The following KAZN variants were observed in gnomAD, a reference collection of about 807,000 sequenced individuals.
KAZN encodes the protein kazrin.
KAZN carries 40 observed loss-of-function variants against 87.4 expected under a neutral mutation model. The observed-to-expected ratio is 0.46, with a 90% CI of 0.36 to 0.60. The LOEUF (loss-of-function observed/expected upper bound fraction) is 0.60, where lower values mean the gene tolerates loss of function less well. Among genes scored for constraint, KAZN ranks in the 20% least tolerant of loss-of-function variants. The pLI, the probability that KAZN is intolerant of heterozygous loss-of-function variation, is 0.00. For missense variants in KAZN, 898 were observed against 1,073.9 expected (o/e 0.84, Z 2.29); for synonymous variants, 466 against 458.3 (o/e 1.02, Z -0.22).
Position 14,082,080 on chromosome 1 carries a change from T to C in KAZN, c.92-98355T>C, listed in dbSNP as rs60128168. Among the ~76,000 whole-genome samples the C allele has an allele frequency of 4.4e-3, 666 of 152,300 alleles. 4 individuals are homozygous for C. The highest frequency in any genetic ancestry group is 0.015 in the African/African-American group (636 of 41,566). On this transcript the variant is annotated intron_variant, in intron 1 of 16. Transcript: ENST00000636203. Reference sequence around the variant, plus strand: ...ATGAGCCACTATGCCCAGCCCACTCTGTTCCTTCTAGCATCTCTCTGATGG... The same window carrying C: ...ATGAGCCACTATGCCCAGCCCACTCCGTTCCTTCTAGCATCTCTCTGATGG...
chr1:14,250,935 A>T (rs1293934300), intron 2 of KAZN, among the ~76,000 whole-genome samples: 1 of 152,192 alleles, frequency 6.6e-6, no homozygotes, highest in East Asian at 1.9e-4. Flanking sequence ...AGGAATCTCC[A>T]AACTATAAGT....
At chr1:14,964,275 C>T (rs1427845338) in intron 2 of KAZN, among the ~76,000 whole-genome samples, 2 of 152,246 alleles carry the variant, frequency 1.3e-5, no homozygotes, top group East Asian at 3.9e-4. Flanking sequence ...ATAATTGGGA[C>T]TAATAAACAG....
intron 8 of KAZN, among the ~76,000 whole-genome samples, chr1:15,092,847 C>A (rs939893995): frequency 2.6e-5 from 4 of 151,808 alleles, no homozygotes; most frequent in Non-Finnish European, 5.9e-5. Flanking sequence ...GTAACCTGAA[C>A]TTTTCATATT....
intron 1 of KAZN, among the ~76,000 whole-genome samples, chr1:13,969,414 TG>T (rs910283099): frequency 1.4e-4 from 22 of 152,152 alleles, no homozygotes; most frequent in African/African-American, 4.8e-4. Flanking sequence ...CAAATGAAGA[TG>T]GAGGCAGACT....
intron 2 of KAZN, among the ~76,000 whole-genome samples, chr1:14,454,089 G>C (rs1667431782): frequency 6.6e-6 from 1 of 152,178 alleles, no homozygotes; most frequent in African/African-American, 2.4e-5. Flanking sequence ...ACCAATATAG[G>C]AAATCCTCCA....
In KAZN at chr1:14,858,203, C is replaced by CTTTTTTTTTTTTTTTTTTTTTTTTTTT. The variant is rs1388659468; in HGVS notation, c.227-102476_227-102475insTTTTTTTTTTTTTTTTTTTTTTTTTTT. On this transcript the variant is annotated intron_variant, in intron 1 of 14. Transcript: ENST00000376030. ...ACATTTCTTTCTTTTTTTCTTTTTT[C>CTTTTTTTTTTTTTTTTTTTTTTTTTTT]TTTTTCTTTTCTTTTTTTTTTTTTT... Among the ~76,000 whole-genome samples, 18 of 95,100 alleles carry CTTTTTTTTTTTTTTTTTTTTTTTTTTT rather than the reference C, an allele frequency of 1.9e-4. 1 individual carries two copies. The highest frequency in any genetic ancestry group is 8.5e-4 in the African/African-American group (16 of 18,896). The allele number at this position is 95,100 out of a possible 152,430, so 62.4% of individuals were successfully genotyped here. A position where few individuals can be genotyped will look rare whatever the true frequency, so the allele number is the denominator to read the frequency against.
chr1:14,943,071 T>G (rs1572886112), intron 1 of KAZN, among the ~76,000 whole-genome samples: 2 of 86,732 alleles, frequency 2.3e-5, no homozygotes, highest in Non-Finnish European at 3.9e-5. Flanking sequence ...GAGCCTTGGG[T>G]TTTTTTTTTT....
At chr1:14,205,856 A>G (rs142030926) in intron 2 of KAZN, among the ~76,000 whole-genome samples, 1,645 of 136,372 alleles carry the variant, frequency 0.012, 30 homozygotes, top group African/African-American at 0.042. Flanking sequence ...ACTGCACTCC[A>G]GCCAGGCGAC....
chr1:14,312,506 A>T (rs1191067843), intron 2 of KAZN, among the ~76,000 whole-genome samples: 1 of 152,114 alleles, frequency 6.6e-6, no homozygotes, highest in Non-Finnish European at 1.5e-5. Context: ...AATCTCTCTC[A>T]CCTGGTAGGA....
intron 1 of KAZN, among the ~76,000 whole-genome samples, chr1:14,770,473 G>A (rs1393075251): frequency 2.0e-5 from 3 of 152,132 alleles, no homozygotes; most frequent in African/African-American, 4.8e-5. Flanking sequence ...TGGCTGTTTC[G>A]AGAAACTGTA....
intron 2 of KAZN, among the ~76,000 whole-genome samples, chr1:14,296,975 T>C (rs6668724): frequency 0.1 from 15,430 of 152,090 alleles, 963 homozygotes; most frequent in East Asian, 0.16. Flanking sequence ...CAGTTCTCTG[T>C]GTATATTTGT....
intron 1 of KAZN, among the ~76,000 whole-genome samples, chr1:14,091,921 G>T (rs1046999272): frequency 6.6e-6 from 1 of 152,044 alleles, no homozygotes; most frequent in Non-Finnish European, 1.5e-5. Context: ...GAAAGAGCAC[G>T]CTAACAATGT....
intron 1 of KAZN, chr1:14,945,809 T>C: frequency 1.1e-6 from 1 of 928,312 alleles, no homozygotes; most frequent in South Asian, 5.0e-5. Context: ...CTCGAGAGCC[T>C]CCCACCAAAG....
At chr1:14,300,465 G>C (rs904217930) in intron 2 of KAZN, among the ~76,000 whole-genome samples, 1 of 152,008 alleles carries the variant, frequency 6.6e-6, no homozygotes, top group Admixed American at 6.6e-5. Flanking sequence ...CAAACTCTTG[G>C]GCTCAAGGGA....
chr1:14,118,759 G>A (rs947972797), intron 1 of KAZN, among the ~76,000 whole-genome samples: 6 of 152,180 alleles, frequency 3.9e-5, no homozygotes, highest in African/African-American at 1.4e-4. Flanking sequence ...TGGGAAGACT[G>A]GGTGCCAGAA....
intron 1 of KAZN, among the ~76,000 whole-genome samples, chr1:13,923,153 C>T (rs146829717): frequency 1.5e-4 from 23 of 152,164 alleles, no homozygotes; most frequent in African/African-American, 4.1e-4. Flanking sequence ...TACTGCTGAC[C>T]GGAAGCCTTA....
chr1:14,604,828 A>G lies in KAZN; in HGVS notation c.226+5605A>G, dbSNP rs146560456. Among the ~76,000 whole-genome samples, 557 of 152,354 alleles carry G rather than the reference A, an allele frequency of 3.7e-3. 21 individuals are homozygous for G. The East Asian group carries it at 0.068, about 19-fold the overall frequency. On this transcript the variant is annotated intron_variant, in intron 1 of 14. Transcript: ENST00000376030. ...AGCTCAGATGGAGCTTGGAACAGGC[A>G]GTCCTGCAAGCAAAGAGCCCCAGGG...
intron 2 of KAZN, among the ~76,000 whole-genome samples, chr1:14,416,956 ATGTGTG>A (rs1348693635): frequency 6.9e-6 from 1 of 144,062 alleles, no homozygotes; most frequent in Non-Finnish European, 1.6e-5. Flanking sequence ...GTATATGTGT[ATGTGTG>A]TATACATATG....
At chr1:14,201,925 C>T (rs762338928) in intron 2 of KAZN, among the ~76,000 whole-genome samples, 48 of 152,242 alleles carry the variant, frequency 3.2e-4, no homozygotes, top group Non-Finnish European at 5.4e-4. Context: ...GCCTCGGCCT[C>T]CCAAAGTGCT....
Sources: gnomAD v4.1 joint callset for allele counts (sites outside exome capture counted in the v4.1 genomes callset) on GRCh38, gnomAD v4.1.1 for gene constraint, MANE v1.5 for transcripts, NCBI Gene and HGNC (gene_info 2026-07-23, HGNC 2026-07-21) for gene names.